Variants in DENND5A observed in about 807,000 individuals in gnomAD.
DENND5A encodes the protein DENN domain-containing protein 5A.
A neutral mutation model predicts 140.3 loss-of-function variants in DENND5A; 64 were observed. That is an observed-to-expected ratio of 0.46 (90% CI 0.37 to 0.56). DENND5A has a LOEUF of 0.56. DENND5A is among the 20% of genes least tolerant of loss of function. DENND5A has a pLI of 0.00. For synonymous variants in DENND5A, 605 were observed against 607.7 expected (o/e 1.00, Z 0.07); for missense variants, 1,292 against 1,593.8 (o/e 0.81, Z 3.22).
At chr11:9,244,087 T>C (rs1471315723) in intron 1 of DENND5A, among the ~76,000 whole-genome samples, 5 of 152,206 alleles carry the variant, frequency 3.3e-5, no homozygotes, top group African/African-American at 1.2e-4. Context: ...GATTTTCTGC[T>C]ACACAGAGAA....
At chr11:9,212,679 T>G (rs1352418484) in intron 1 of DENND5A, among the ~76,000 whole-genome samples, 3 of 152,020 alleles carry the variant, frequency 2.0e-5, no homozygotes, top group Non-Finnish European at 4.4e-5. Flanking sequence ...CAGAATTTTA[T>G]GAACAGAAAA....
At chr11:9,183,990 G>C in intron 5 of DENND5A, among the ~76,000 whole-genome samples, 1 of 151,790 alleles carries the variant, frequency 6.6e-6, no homozygotes, top group Non-Finnish European at 1.5e-5. Flanking sequence ...GGCAGAGGTT[G>C]CAGGGAGCCG....
chr11:9,140,877 A>G (rs1296791926), intron 22 of DENND5A, among the ~76,000 whole-genome samples: 1 of 152,222 alleles, frequency 6.6e-6, no homozygotes, highest in Admixed American at 6.5e-5. Context: ...CTGTAATTTC[A>G]GCACTTTGGG....
intron 4 of DENND5A, among the ~76,000 whole-genome samples, chr11:9,195,694 T>C (rs1462821046): frequency 6.6e-6 from 1 of 152,174 alleles, no homozygotes; most frequent in Non-Finnish European, 1.5e-5. Context: ...ATCCTACATT[T>C]GCTCACTAAT....
intron 1 of DENND5A, among the ~76,000 whole-genome samples, chr11:9,225,504 T>C (rs1850493399): frequency 6.6e-6 from 1 of 152,184 alleles, no homozygotes; most frequent in South Asian, 2.1e-4. Context: ...CTCACGCCTG[T>C]AATCCCAATG....
chr11:9,235,624 C>T (rs1175181854), intron 1 of DENND5A, among the ~76,000 whole-genome samples: 1 of 151,144 alleles, frequency 6.6e-6, no homozygotes, highest in Non-Finnish European at 1.5e-5. Flanking sequence ...CGCCACTGCA[C>T]TCCAGCCTGG....
chr11:9,221,658 G>A (rs1034785969), intron 1 of DENND5A, among the ~76,000 whole-genome samples: 7 of 151,884 alleles, frequency 4.6e-5, no homozygotes, highest in Non-Finnish European at 1.0e-4. Flanking sequence ...GAGCCACCGC[G>A]CCCAGCCAAC....
intron 5 of DENND5A, among the ~76,000 whole-genome samples, chr11:9,184,696 G>T (rs1848848872): frequency 6.6e-6 from 1 of 152,134 alleles, no homozygotes; most frequent in South Asian, 2.1e-4. Flanking sequence ...CCCTGATTAA[G>T]AAATTAAGAG....
At chr11:9,235,517 G>C (rs897148700) in intron 1 of DENND5A, among the ~76,000 whole-genome samples, 1 of 151,588 alleles carries the variant, frequency 6.6e-6, no homozygotes, top group Non-Finnish European at 1.5e-5. Context: ...AATTAGCTGG[G>C]CACGATGGCG....
intron 4 of DENND5A, among the ~76,000 whole-genome samples, chr11:9,202,786 A>C (rs1849566181): frequency 6.6e-6 from 1 of 152,112 alleles, no homozygotes; most frequent in African/African-American, 2.4e-5. Flanking sequence ...GACCGTTTAT[A>C]CTTCCTGTGC....
At chr11:9,218,491 C>T (rs1030775878) in intron 1 of DENND5A, among the ~76,000 whole-genome samples, 1 of 151,926 alleles carries the variant, frequency 6.6e-6, no homozygotes, top group Non-Finnish European at 1.5e-5. Context: ...TTTGGGAGGC[C>T]GAGGGGAGTG....
intron 1 of DENND5A, among the ~76,000 whole-genome samples, chr11:9,231,000 CA>C (rs547260701): frequency 6.6e-6 from 1 of 151,410 alleles, no homozygotes; most frequent in East Asian, 1.9e-4. Flanking sequence ...AACAAACAAA[CA>C]AAAAAAACCC....
rs368882573 is a variant in DENND5A at position 9,204,307 on chromosome 11, G to A, written c.302C>T (p.Pro101Leu). 5.0e-6 allele frequency: 8 copies of A among 1,609,416 alleles called. No homozygotes were observed. The highest frequency in any genetic ancestry group is 1.3e-5 in the African/African-American group (1 of 74,958). Residue 101 changes from proline (P) to leucine (L), a missense_variant, in exon 4 of 23, where the codon CCG becomes CTG. Coordinates refer to ENST00000328194, the MANE Select transcript of DENND5A (RefSeq NM_015213.4). Reference sequence around the variant, plus strand: ...CTGGGTCTTGAATGCCAGCCCTTTCGGCATACATAGCTGCAAAAGACAACA... The same window carrying A: ...CTGGGTCTTGAATGCCAGCCCTTTCAGCATACATAGCTGCAAAAGACAACA... ...DQDAVGMLCM[P>L]KGLAFKTQAD...
chr11:9,215,027 C>G (rs1017644314), intron 1 of DENND5A, among the ~76,000 whole-genome samples: 1 of 152,000 alleles, frequency 6.6e-6, no homozygotes, highest in Non-Finnish European at 1.5e-5. Flanking sequence ...GCACCAGCCC[C>G]GCAGGCCACT....
intron 7 of DENND5A, 46 bp from the exon 8 acceptor site, chr11:9,178,412 T>C (rs778643944): frequency 2.0e-5 from 25 of 1,237,688 alleles, no homozygotes; most frequent in Non-Finnish European, 2.9e-5. Flanking sequence ...AAAAGGGTAA[T>C]GTCAATGTGC....
intron 1 of DENND5A, among the ~76,000 whole-genome samples, chr11:9,251,149 A>C (rs1417955846): frequency 6.6e-6 from 1 of 151,760 alleles, no homozygotes; most frequent in Admixed American, 6.6e-5. Flanking sequence ...AAAAAAAAAA[A>C]AAAAAAAAGA....
intron 1 of DENND5A, among the ~76,000 whole-genome samples, chr11:9,259,947 G>A (rs1173678392): frequency 7.1e-6 from 1 of 141,196 alleles, no homozygotes; most frequent in African/African-American, 2.6e-5. Context: ...AGAATCACTT[G>A]AACCAGACAG....
chr11:9,150,356 G>A (rs1847574977), intron 14 of DENND5A, 147 bp from the exon 15 acceptor site: 1 of 1,044,242 alleles, frequency 9.6e-7, no homozygotes, highest in South Asian at 1.6e-5. Flanking sequence ...CAAATACTGG[G>A]CTTCCATGTA....
rs187846613 is a variant in DENND5A, at chr11:9,251,997, A to G, written c.109+12964T>C. On this transcript the variant is annotated intron_variant, in intron 1 of 22. Coordinates refer to ENST00000328194, the MANE Select transcript of DENND5A (RefSeq NM_015213.4). ...GAGCGAGACTCTGTCTCGCGAAAAA[A>G]AAGAAAAAAGAACTAAATCTGGCCA... Among the ~76,000 whole-genome samples, 24 of 139,536 alleles carry G rather than the reference A, an allele frequency of 1.7e-4. No individual in the cohort carries two copies. In the East Asian group the frequency reaches 5.1e-3, roughly 29 times the overall value. The allele number at this position is 139,536 out of a possible 152,430, so 91.5% of individuals were successfully genotyped here. A position where few individuals can be genotyped will look rare whatever the true frequency, so the allele number is the denominator to read the frequency against.
Sources: gnomAD v4.1 joint callset for allele counts (sites outside exome capture counted in the v4.1 genomes callset) on GRCh38, gnomAD v4.1.1 for gene constraint, MANE v1.5 for transcripts, NCBI Gene and HGNC (gene_info 2026-07-23, HGNC 2026-07-21) for gene names.